Variants in FSIP1 observed in about 807,000 individuals in gnomAD.
FSIP1 encodes the protein fibrous sheath-interacting protein 1.
In FSIP1, 65 loss-of-function variants were observed where a neutral mutation model predicts 60.9. That is an observed-to-expected ratio of 1.07 (90% CI 0.87 to 1.31). The LOEUF (loss-of-function observed/expected upper bound fraction) is 1.31, where lower values mean the gene tolerates loss of function less well. Among genes scored for constraint, FSIP1 ranks in the 40% most tolerant of loss-of-function variants. The probability of loss-of-function intolerance (pLI) is 0.00; values close to 1 mark genes in which losing one functional copy is unlikely to be tolerated. For missense variants in FSIP1, 675 were observed against 665.5 expected, an observed-to-expected ratio of 1.01 and a Z score of -0.16; for synonymous variants, 209 against 221.2, an observed-to-expected ratio of 0.94 and a Z score of 0.49.
rs612775 is a variant in FSIP1, at chr15:39,751,083, T to C, written c.560-9183A>G. Among the ~76,000 whole-genome samples, 873 of 151,824 alleles carry C rather than the reference T, an allele frequency of 5.8e-3. 7 individuals are homozygous for C. The highest frequency in any genetic ancestry group is 0.02 in the African/African-American group (824 of 41,478). ...TCAACCCTACTGTGAGATAACAACT[T>C]GTTAGGAAAGCTATTATCAAAAAGA... On this transcript the variant is annotated intron_variant, in intron 5 of 11. Transcript: ENST00000350221.
At chr15:39,747,693 A>T (rs986381687) in intron 5 of FSIP1, among the ~76,000 whole-genome samples, 1 of 152,198 alleles carries the variant, frequency 6.6e-6, no homozygotes, top group Non-Finnish European at 1.5e-5. Context: ...AGATATCTGA[A>T]CTCAGCTTCC....
chr15:39,726,411 C>A (rs1406988320), intron 9 of FSIP1, among the ~76,000 whole-genome samples, 178 bp downstream of exon 9: 2 of 151,800 alleles, frequency 1.3e-5, no homozygotes, highest in Admixed American at 6.6e-5. Context: ...TGACCGCATC[C>A]CAGAAAATTA....
chr15:39,616,298 C>T (rs1368416760), intron 11 of FSIP1, among the ~76,000 whole-genome samples: 1 of 152,120 alleles, frequency 6.6e-6, no homozygotes, highest in Non-Finnish European at 1.5e-5. Context: ...AGGCACTTGG[C>T]TTAAGGCAGC....
At chr15:39,680,114 A>T (rs1894100689) in intron 10 of FSIP1, among the ~76,000 whole-genome samples, 1 of 152,214 alleles carries the variant, frequency 6.6e-6, no homozygotes, top group Admixed American at 6.5e-5. Context: ...GAAATTCTAG[A>T]CCATGGGGAG....
chr15:39,612,539 A>G (rs995457077), intron 11 of FSIP1, among the ~76,000 whole-genome samples: 1 of 152,130 alleles, frequency 6.6e-6, no homozygotes, highest in African/African-American at 2.4e-5. Context: ...GCTTATTATC[A>G]AAGAAAAAAT....
intron 8 of FSIP1, among the ~76,000 whole-genome samples, chr15:39,727,449 C>A (rs1896242337): frequency 6.6e-6 from 1 of 152,164 alleles, no homozygotes; most frequent in Non-Finnish European, 1.5e-5. Context: ...CAGGAAGGGG[C>A]TGGAGAAAAC....
intron 5 of FSIP1, among the ~76,000 whole-genome samples, chr15:39,752,475 T>C (rs1298329297): frequency 6.6e-6 from 1 of 151,948 alleles, no homozygotes; most frequent in African/African-American, 2.4e-5. Flanking sequence ...TTAATAGCAA[T>C]GTTATGTTAA....
chr15:39,765,194 A>T (rs1897638278), intron 4 of FSIP1, among the ~76,000 whole-genome samples: 1 of 152,068 alleles, frequency 6.6e-6, no homozygotes, highest in Admixed American at 6.5e-5. Flanking sequence ...AGGCCACAGT[A>T]ACACCATGGT....
intron 10 of FSIP1, among the ~76,000 whole-genome samples, chr15:39,696,052 A>G (rs1011269596): frequency 6.6e-6 from 1 of 152,234 alleles, no homozygotes; most frequent in African/African-American, 2.4e-5. Flanking sequence ...CTTATACATG[A>G]AAGTATATAA....
chr15:39,757,678 A>C (rs1237461945), intron 5 of FSIP1, among the ~76,000 whole-genome samples: 1 of 152,154 alleles, frequency 6.6e-6, no homozygotes, highest in South Asian at 2.1e-4. Flanking sequence ...TTCATTAAGG[A>C]ATTTGGCTTT....
At chr15:39,695,655 T>C (rs981345773) in intron 10 of FSIP1, among the ~76,000 whole-genome samples, 6 of 152,316 alleles carry the variant, frequency 3.9e-5, no homozygotes, top group African/African-American at 1.4e-4. Flanking sequence ...TAAATCTTAA[T>C]ACACTGTTAG....
intron 4 of FSIP1, among the ~76,000 whole-genome samples, chr15:39,764,830 A>G (rs1897626381): frequency 6.6e-6 from 1 of 152,226 alleles, no homozygotes; most frequent in Non-Finnish European, 1.5e-5. Context: ...TTTGTCACAA[A>G]GGTTTACCCA....
At chr15:39,623,802 T>C (rs1891535690) in intron 10 of FSIP1, among the ~76,000 whole-genome samples, 1 of 152,216 alleles carries the variant, frequency 6.6e-6, no homozygotes, top group Non-Finnish European at 1.5e-5. Context: ...GCACCAGTCA[T>C]GTGCCCCATC....
intron 11 of FSIP1, among the ~76,000 whole-genome samples, chr15:39,609,394 G>T (rs776791258): frequency 8.5e-5 from 13 of 152,134 alleles, no homozygotes; most frequent in Non-Finnish European, 1.3e-4. Context: ...GGTAGCAACG[G>T]GCCCCACCCA....
intron 10 of FSIP1, among the ~76,000 whole-genome samples, chr15:39,708,793 C>T (rs918858520): frequency 6.6e-6 from 1 of 152,226 alleles, no homozygotes; most frequent in Non-Finnish European, 1.5e-5. Flanking sequence ...TTGACTCACA[C>T]TAAGGAAATC....
intron 10 of FSIP1, among the ~76,000 whole-genome samples, chr15:39,669,594 T>C (rs979003384): frequency 1.3e-5 from 2 of 152,230 alleles, no homozygotes; most frequent in African/African-American, 4.8e-5. Context: ...CAAGTCCTAG[T>C]TGATAGCCTT....
intron 11 of FSIP1, among the ~76,000 whole-genome samples, chr15:39,605,405 G>A (rs1416199072): frequency 6.6e-6 from 1 of 152,188 alleles, no homozygotes; most frequent in Non-Finnish European, 1.5e-5. Flanking sequence ...GTTTGTAACA[G>A]GGCTTCTCAA....
intron 1 of FSIP1, among the ~76,000 whole-genome samples, chr15:39,780,931 G>C (rs1030168783): frequency 1.3e-5 from 2 of 152,038 alleles, no homozygotes; most frequent in Admixed American, 1.3e-4. Flanking sequence ...TGTGGGTTAG[G>C]CAAAAATTTC....
At chr15:39,645,950 C>T (rs1035176496) in intron 10 of FSIP1, among the ~76,000 whole-genome samples, 3 of 152,208 alleles carry the variant, frequency 2.0e-5, no homozygotes, top group African/African-American at 4.8e-5. Flanking sequence ...CACTGGGGGC[C>T]GGGCTGCCAG....
Sources: gnomAD v4.1 joint callset for allele counts (sites outside exome capture counted in the v4.1 genomes callset) on GRCh38, gnomAD v4.1.1 for gene constraint, MANE v1.5 for transcripts, NCBI Gene and HGNC (gene_info 2026-07-23, HGNC 2026-07-21) for gene names.